Variants in SGMS2 observed in about 807,000 individuals in gnomAD.
SGMS2 encodes phosphatidylcholine:ceramide cholinephosphotransferase 2.
SGMS2 carries 21 observed loss-of-function variants against 43.8 expected under a neutral mutation model. The observed-to-expected ratio is 0.48, with a 90% CI of 0.34 to 0.69. The LOEUF is 0.69. SGMS2 is among the 30% of genes least tolerant of loss of function. SGMS2 has a pLI of 0.01. For synonymous variants in SGMS2, 167 were observed against 160.6 expected (o/e 1.04, Z -0.30); for missense variants, 384 against 443.2 (o/e 0.87, Z 1.20).
intron 2 of SGMS2, among the ~76,000 whole-genome samples, chr4:107,871,587 TTCTG>T (rs1000336076): frequency 3.9e-5 from 6 of 152,076 alleles, no homozygotes; most frequent in African/African-American, 1.4e-4. Context: ...ACATAAATAA[TTCTG>T]TCTTTGTTGG....
rs373759605 is a variant in SGMS2, at chr4:107,879,108, A to ATTT, written c.-244-16188_-244-16186dup. Among the ~76,000 whole-genome samples the ATTT allele has an allele frequency of 7.5e-3, 1,067 of 142,286 alleles. 7 individuals carry two copies. The highest frequency in any genetic ancestry group is 0.011 in the Non-Finnish European group (691 of 65,292). The allele number at this position is 142,286 out of a possible 152,430, so 93.3% of individuals were successfully genotyped here. The stretch of plus-strand genomic sequence containing the variant: ...CAAGTATTGAATGGTCTACCTGGCC[A>ATTT]TTTTTTTTTTTTTTTTAGTGAGAAA... On this transcript the variant is annotated intron_variant, in intron 2 of 6. Coordinates refer to ENST00000690982, the MANE Select transcript of SGMS2 (RefSeq NM_001375905.1).
chr4:107,900,299 T>A (rs1269862856), intron 4 of SGMS2, among the ~76,000 whole-genome samples: 1 of 151,970 alleles, frequency 6.6e-6, no homozygotes, highest in Non-Finnish European at 1.5e-5. Context: ...TCACAGTGGG[T>A]TAAAGGAAGA....
At chr4:107,827,863 G>A (rs1431694445) in intron 1 of SGMS2, among the ~76,000 whole-genome samples, 1 of 152,110 alleles carries the variant, frequency 6.6e-6, no homozygotes, top group Non-Finnish European at 1.5e-5. Flanking sequence ...GTGCTCGCCT[G>A]TAGTCCCAGA....
intron 2 of SGMS2, among the ~76,000 whole-genome samples, chr4:107,873,036 A>C (rs1045269275): frequency 6.6e-6 from 1 of 152,160 alleles, no homozygotes; most frequent in Non-Finnish European, 1.5e-5. Context: ...AATGGTACCA[A>C]TTTATGATTC....
chr4:107,908,535 T>G, intron 5 of SGMS2, 30 bp from the exon 6 acceptor site: 1 of 1,599,600 alleles, frequency 6.3e-7, no homozygotes, highest in East Asian at 2.2e-5. Context: ...CTGGGAATCT[T>G]ATTAACTCTG....
chr4:107,903,046 A>G (rs58246381), intron 4 of SGMS2, among the ~76,000 whole-genome samples, 187 bp from the exon 5 acceptor site: 1,594 of 152,278 alleles, frequency 0.01, 23 homozygotes, highest in African/African-American at 0.037. Context: ...TAAAACGTCA[A>G]TAAAGCTTGC....
intron 1 of SGMS2, among the ~76,000 whole-genome samples, chr4:107,829,114 CT>C (rs1283578383): frequency 1.3e-5 from 2 of 152,174 alleles, no homozygotes; most frequent in Admixed American, 1.3e-4. Flanking sequence ...ATTTAGCAGA[CT>C]TATCACTACC....
chr4:107,905,658 G>C (rs13148776), intron 5 of SGMS2, among the ~76,000 whole-genome samples: 47,640 of 152,086 alleles, frequency 0.31, 8,418 homozygotes, highest in African/African-American at 0.48. Context: ...CATGTTGAAG[G>C]AGGCTGAATC....
chr4:107,867,593 A>G (rs1429165625), intron 2 of SGMS2: 1 of 152,218 alleles, frequency 6.6e-6, no homozygotes, highest in Non-Finnish European at 1.5e-5. Context: ...TGCTGGCTTC[A>G]CTGCTTACTA....
At chr4:107,901,266 C>G (rs1731088950) in intron 4 of SGMS2, among the ~76,000 whole-genome samples, 1 of 152,178 alleles carries the variant, frequency 6.6e-6, no homozygotes, top group Non-Finnish European at 1.5e-5. Flanking sequence ...AATCATGGTT[C>G]AGTAAAACAA....
chr4:107,833,834 G>A (rs1257031982), intron 1 of SGMS2, among the ~76,000 whole-genome samples: 1 of 152,172 alleles, frequency 6.6e-6, no homozygotes, highest in African/African-American at 2.4e-5. Context: ...GAGTGGAAAA[G>A]GGAAGCAGAA....
At chr4:107,848,837 C>T (rs1262713007) in intron 1 of SGMS2, among the ~76,000 whole-genome samples, 2 of 152,088 alleles carry the variant, frequency 1.3e-5, no homozygotes, top group Non-Finnish European at 2.9e-5. Context: ...AATACTTTCT[C>T]CTAGTCAATG....
At chr4:107,846,443 C>T (rs1726824537) in intron 1 of SGMS2, among the ~76,000 whole-genome samples, 1 of 151,088 alleles carries the variant, frequency 6.6e-6, no homozygotes, top group Admixed American at 6.6e-5. Flanking sequence ...GACATGAACT[C>T]ATCATTTTTT....
chr4:107,910,635 A>T lies in SGMS2; in HGVS notation c.*82A>T. On this transcript the variant is annotated 3_prime_UTR_variant, in exon 7 of 7. Transcript: ENST00000690982. The stretch of plus-strand genomic sequence containing the variant: ...GTATAGTTTTGTTTTTTATTTTAGG[A>T]GAACTGACTGGTAAATGAAGAAATG... 1 of 1,333,340 alleles carries T rather than the reference A, an allele frequency of 7.5e-7. No homozygotes were observed. Among genetic ancestry groups the T allele is most frequent in the Non-Finnish European group, 1.0e-6 (1 of 975,808 alleles). 82.6% of individuals were successfully genotyped at this position (1,333,340 alleles called of 1,614,324 possible). A position where few individuals can be genotyped will look rare whatever the true frequency, so the allele number is the denominator to read the frequency against.
intron 1 of SGMS2, among the ~76,000 whole-genome samples, chr4:107,850,171 T>C (rs1727058938): frequency 1.3e-5 from 2 of 152,176 alleles, no homozygotes; most frequent in South Asian, 4.1e-4. Context: ...TGCTTGCTCT[T>C]CCTTTACCTT....
chr4:107,867,947 G>C (rs1227658018), intron 2 of SGMS2: 1 of 152,034 alleles, frequency 6.6e-6, no homozygotes, highest in East Asian at 1.9e-4. Context: ...AGGATACATA[G>C]TCAAAATTTT....
chr4:107,876,481 T>G (rs542456141), intron 2 of SGMS2, among the ~76,000 whole-genome samples: 2 of 152,222 alleles, frequency 1.3e-5, no homozygotes, highest in Admixed American at 6.5e-5. Context: ...GTAATATCTC[T>G]TCCATTGCAC....
At position 107,895,877 on chromosome 4, in the gene SGMS2, G is replaced by C; in HGVS notation, c.324G>C (p.Glu108Asp). The change falls in exon 3 of 7, where the codon GAG (glutamate) becomes GAC (aspartate). Residue 108 changes from glutamate to aspartate, a missense_variant. By Grantham distance (45) the Glu-to-Asp change is conservative. Coordinates refer to ENST00000690982, the MANE Select transcript of SGMS2 (RefSeq NM_001375905.1). ...TACATGAGAGGGTCCCTCCCAAGGA[G>C]CTTAGCCCTCCACTCCCAGACAAGT... ...TVVHERVPPK[E>D]LSPPLPDKFF... 1.2e-6 allele frequency: 2 copies of C among 1,613,924 alleles called. No individual in the cohort carries two copies. The highest frequency in any genetic ancestry group is 2.2e-5 in the South Asian group (2 of 91,080).
chr4:107,869,479 G>A (rs1728390918), intron 2 of SGMS2, among the ~76,000 whole-genome samples: 5 of 152,190 alleles, frequency 3.3e-5, no homozygotes, highest in Admixed American at 3.3e-4. Context: ...GAGGCTAGAA[G>A]TGAAGGTAGG....
Sources: allele counts gnomAD v4.1 joint callset (sites outside exome capture counted in the v4.1 genomes callset), GRCh38; gene constraint gnomAD v4.1.1; transcripts MANE v1.5; gene names NCBI Gene and HGNC (gene_info 2026-07-23, HGNC 2026-07-21).